Variants in SAMD5 observed in about 807,000 individuals in gnomAD.
SAMD5 encodes sterile alpha motif domain-containing protein 5.
SAMD5 carries 13 observed loss-of-function variants against 11.3 expected under a neutral mutation model. That is an observed-to-expected ratio of 1.15 (90% confidence interval 0.75 to 1.83). The LOEUF (loss-of-function observed/expected upper bound fraction) is 1.83, where lower values mean the gene tolerates loss of function less well. Ranked by LOEUF, SAMD5 falls within the 40% of genes most tolerant of loss-of-function variation. SAMD5 has a pLI of 0.00. For synonymous variants in SAMD5, 129 were observed against 111.3 expected (o/e 1.16, Z -1.00); for missense variants, 255 against 239.1 (o/e 1.07, Z -0.44).
At chr6:147,749,270 A>G in the SAMD5 span, among the ~76,000 whole-genome samples, 1 of 151,634 alleles carries the variant, frequency 6.6e-6, no homozygotes, top group Admixed American at 6.6e-5. Context: ...CCTAGTTTCA[A>G]GCGATTCTCC....
intron 1 of SAMD5, chr6:147,729,606 A>G (rs1791679558): frequency 2.9e-6 from 1 of 345,666 alleles, no homozygotes; most frequent in Non-Finnish European, 5.7e-6. Flanking sequence ...AAAAGTAGGA[A>G]AAGAAGAAAG....
intron 1 of SAMD5, among the ~76,000 whole-genome samples, chr6:147,658,376 T>TGAA (rs201516803): frequency 0.012 from 1,771 of 152,302 alleles, 15 homozygotes; most frequent in Middle Eastern, 0.017. Flanking sequence ...ATTGTGTCTT[T>TGAA]TTGCCCTTTG....
At chr6:147,772,030 A>T in the SAMD5 span, among the ~76,000 whole-genome samples, 10 of 152,302 alleles carry the variant, frequency 6.6e-5, no homozygotes, top group South Asian at 8.3e-4. Flanking sequence ...TTCTGTTGTC[A>T]TAGAGACTCA....
intron 1 of SAMD5, among the ~76,000 whole-genome samples, chr6:147,557,373 C>A (rs1353701668): frequency 6.6e-6 from 1 of 152,152 alleles, no homozygotes; most frequent in Non-Finnish European, 1.5e-5. Flanking sequence ...GTTAAAACAA[C>A]AGAAGTTTGT....
At chr6:147,572,623 G>A (rs844631), downstream of SAMD5, among the ~76,000 whole-genome samples, 10,424 of 152,106 alleles carry the variant, frequency 0.069, 585 homozygotes, top group African/African-American at 0.16. Context: ...TTTGAATTAA[G>A]ATTTTCTTTA....
chr6:147,951,948 G>C, the SAMD5 span, among the ~76,000 whole-genome samples: 1 of 152,152 alleles, frequency 6.6e-6, no homozygotes, highest in Non-Finnish European at 1.5e-5. Flanking sequence ...ACGCAGGGGG[G>C]CCATATTCAT....
intron 1 of SAMD5, among the ~76,000 whole-genome samples, chr6:147,698,236 C>A (rs1791205902): frequency 6.6e-6 from 1 of 151,966 alleles, no homozygotes; most frequent in Admixed American, 6.6e-5. Flanking sequence ...GGGTTGGGGA[C>A]CCCATATCTG....
At chr6:147,684,253 C>T (rs573793466) in intron 1 of SAMD5, among the ~76,000 whole-genome samples, 7 of 152,216 alleles carry the variant, frequency 4.6e-5, no homozygotes, top group African/African-American at 1.7e-4. Flanking sequence ...TAAGATTCCT[C>T]CATGTTATTG....
At chr6:147,571,936 C>T (rs1019450368), downstream of SAMD5, among the ~76,000 whole-genome samples, 1 of 152,026 alleles carries the variant, frequency 6.6e-6, no homozygotes, top group African/African-American at 2.4e-5. Context: ...CTAAACACAC[C>T]CTGTGAAAGG....
the SAMD5 span, among the ~76,000 whole-genome samples, chr6:147,894,494 T>C: frequency 6.6e-6 from 1 of 152,170 alleles, no homozygotes; most frequent in African/African-American, 2.4e-5. Context: ...CAGTTCCTAA[T>C]GATACAGTTC....
chr6:147,784,169 G>GAAACAGA, the SAMD5 span, among the ~76,000 whole-genome samples: 3 of 151,472 alleles, frequency 2.0e-5, no homozygotes, highest in Admixed American at 2.0e-4. Flanking sequence ...ATTTCCACTT[G>GAAACAGA]AAACAGAGTT....
chr6:147,818,255 C>G, the SAMD5 span, among the ~76,000 whole-genome samples: 1 of 152,132 alleles, frequency 6.6e-6, no homozygotes. Context: ...TTTGTGGTCC[C>G]TTTTGGAAAA....
intron 1 of SAMD5, among the ~76,000 whole-genome samples, chr6:147,604,007 C>G (rs767383242): frequency 3.9e-5 from 6 of 152,094 alleles, no homozygotes; most frequent in Non-Finnish European, 8.8e-5. Flanking sequence ...GCCTTAATTT[C>G]CCATAGTGGT....
chr6:147,692,094 C>T (rs1009309593), intron 1 of SAMD5, among the ~76,000 whole-genome samples: 3 of 152,108 alleles, frequency 2.0e-5, no homozygotes, highest in Admixed American at 6.5e-5. Flanking sequence ...TGGATGATAA[C>T]TTATTGAAAT....
chr6:147,569,889 A>T lies in SAMD5; in HGVS notation c.*5433A>T, dbSNP rs79150545. The T allele has an allele frequency of 4.2e-4, 409 of 984,752 alleles. 7 individuals are homozygous for T. The East Asian group carries it at 0.037, about 90-fold the overall frequency. 61.0% of individuals were successfully genotyped at this position (984,752 alleles called of 1,614,324 possible). On this transcript the variant is annotated 3_prime_UTR_variant, in exon 2 of 2. Coordinates refer to ENST00000367474, the MANE Select transcript of SAMD5 (RefSeq NM_001030060.3). The stretch of plus-strand genomic sequence containing the variant: ...TTCCCTTTCAGTTATTATTTTTTTT[A>T]AAGGACGTTATGAGAAGGCACTATG...
chr6:147,586,844 TTC>T (rs1264771734), intron 1 of SAMD5, among the ~76,000 whole-genome samples: 5 of 152,230 alleles, frequency 3.3e-5, no homozygotes, highest in African/African-American at 9.6e-5. Flanking sequence ...CTTCTCACTT[TTC>T]TCTTTCTCTG....
the SAMD5 span, among the ~76,000 whole-genome samples, chr6:147,906,576 C>T: frequency 2.6e-5 from 4 of 152,204 alleles, no homozygotes; most frequent in Admixed American, 2.6e-4. Context: ...AATGCCCTTT[C>T]CCTGTTGATG....
At chr6:147,811,094 T>C in the SAMD5 span, among the ~76,000 whole-genome samples, 3 of 152,204 alleles carry the variant, frequency 2.0e-5, no homozygotes, top group Non-Finnish European at 2.9e-5. Context: ...AACACCCACC[T>C]GTGGGGTTGC....
intron 1 of SAMD5, among the ~76,000 whole-genome samples, chr6:147,602,607 G>T (rs1426244980): frequency 6.6e-6 from 1 of 152,146 alleles, no homozygotes; most frequent in East Asian, 1.9e-4. Flanking sequence ...AGCCAGACAT[G>T]GTGGCGGTTG....
Sources: allele counts gnomAD v4.1 joint callset (sites outside exome capture counted in the v4.1 genomes callset), GRCh38; gene constraint gnomAD v4.1.1; transcripts MANE v1.5; gene names NCBI Gene and HGNC (gene_info 2026-07-23, HGNC 2026-07-21).